Variants in TMEM117 observed in about 807,000 individuals in gnomAD.
TMEM117 encodes transmembrane protein 117.
A neutral mutation model predicts 52.4 loss-of-function variants in TMEM117; 27 were observed. The ratio of observed to expected loss-of-function variants is 0.51; its 90% CI spans 0.38 to 0.71. TMEM117 has a LOEUF of 0.71. Among genes scored for constraint, TMEM117 ranks in the 30% least tolerant of loss-of-function variants. The pLI is 0.00. For missense variants in TMEM117, 556 were observed against 630.5 expected (o/e 0.88, Z 1.26); for synonymous variants, 215 against 206.3 (o/e 1.04, Z -0.36).
chr12:44,245,907 A>G (rs1460509016), intron 5 of TMEM117, among the ~76,000 whole-genome samples: 1 of 152,154 alleles, frequency 6.6e-6, no homozygotes, highest in Non-Finnish European at 1.5e-5. Flanking sequence ...CATTTTATAT[A>G]CAATGTACAT....
At chr12:44,095,873 T>C (rs1030353936) in intron 3 of TMEM117, among the ~76,000 whole-genome samples, 9 of 152,014 alleles carry the variant, frequency 5.9e-5, no homozygotes, top group South Asian at 2.1e-4. Context: ...CCAGGGCAAT[T>C]AGGCAGGAGA....
intron 5 of TMEM117, among the ~76,000 whole-genome samples, chr12:44,290,617 G>A (rs1437450794): frequency 2.6e-5 from 4 of 152,050 alleles, no homozygotes; most frequent in Non-Finnish European, 5.9e-5. Flanking sequence ...GAAATCAGAA[G>A]GTGTGACACC....
chr12:44,311,320 C>G (rs1248090149), intron 6 of TMEM117, among the ~76,000 whole-genome samples: 3 of 151,936 alleles, frequency 2.0e-5, no homozygotes, highest in Non-Finnish European at 4.4e-5. Flanking sequence ...AGAGAAACAG[C>G]AGGAAATCAA....
At chr12:44,076,006 G>GT (rs1202287936) in intron 3 of TMEM117, among the ~76,000 whole-genome samples, 2 of 152,164 alleles carry the variant, frequency 1.3e-5, no homozygotes, top group Non-Finnish European at 1.5e-5. Flanking sequence ...TCCCTATTAG[G>GT]TTTTTGAGGA....
chr12:44,376,351 G>A, intron 6 of TMEM117: 1 of 509,242 alleles, frequency 2.0e-6, no homozygotes, highest in Non-Finnish European at 3.5e-6. Context: ...ATTCTGTATT[G>A]GTTTCTTATT....
intron 3 of TMEM117, among the ~76,000 whole-genome samples, chr12:44,011,729 A>G (rs1946293758): frequency 6.6e-6 from 1 of 152,168 alleles, no homozygotes; most frequent in Admixed American, 6.5e-5. Flanking sequence ...TATTAATAAT[A>G]TTAATGAAAT....
intron 2 of TMEM117, among the ~76,000 whole-genome samples, chr12:43,939,438 C>G (rs1274615071): frequency 2.0e-5 from 3 of 152,118 alleles, no homozygotes; most frequent in Admixed American, 6.5e-5. Context: ...AAATCTTACT[C>G]TGAGTTTTTG....
At chr12:44,007,655 T>C (rs1273125529) in intron 3 of TMEM117, among the ~76,000 whole-genome samples, 4 of 152,162 alleles carry the variant, frequency 2.6e-5, no homozygotes, top group African/African-American at 7.2e-5. Flanking sequence ...AAATCTCATC[T>C]TGAATTGTAA....
intron 3 of TMEM117, among the ~76,000 whole-genome samples, chr12:44,053,948 CTT>C (rs1440008874): frequency 1.3e-5 from 2 of 152,130 alleles, no homozygotes; most frequent in East Asian, 3.9e-4. Context: ...GCAAATACAA[CTT>C]TTAAATTTGG....
intron 3 of TMEM117, among the ~76,000 whole-genome samples, chr12:43,956,693 T>C (rs994297432): frequency 1.3e-5 from 2 of 152,100 alleles, no homozygotes; most frequent in African/African-American, 4.8e-5. Context: ...AGAAACACTT[T>C]TACACTGTTG....
intron 3 of TMEM117, among the ~76,000 whole-genome samples, chr12:44,127,396 G>T (rs972466094): frequency 1.7e-4 from 26 of 152,166 alleles, no homozygotes; most frequent in Admixed American, 9.8e-4. Context: ...ACTAAGTAAG[G>T]CTGGTCACGG....
intron 3 of TMEM117, among the ~76,000 whole-genome samples, chr12:43,985,942 T>C (rs998578312): frequency 2.0e-5 from 3 of 152,238 alleles, no homozygotes; most frequent in African/African-American, 7.2e-5. Flanking sequence ...CATTTTATAA[T>C]TCTGCTATAC....
intron 5 of TMEM117, among the ~76,000 whole-genome samples, chr12:44,294,672 G>A (rs573097369): frequency 4.6e-5 from 7 of 152,112 alleles, no homozygotes; most frequent in Non-Finnish European, 8.8e-5. Context: ...CCATTATTAA[G>A]TAAAAGAAGT....
intron 6 of TMEM117, among the ~76,000 whole-genome samples, chr12:44,311,219 C>T (rs946185805): frequency 2.6e-5 from 4 of 151,644 alleles, no homozygotes; most frequent in Non-Finnish European, 2.9e-5. Context: ...ATGCTGAAAA[C>T]GATATTTATA....
chr12:44,063,439 T>C (rs1348394722), intron 3 of TMEM117, among the ~76,000 whole-genome samples: 3 of 152,112 alleles, frequency 2.0e-5, no homozygotes, highest in African/African-American at 7.2e-5. Flanking sequence ...TTAAATAGAA[T>C]CCAAATTTGT....
intron 5 of TMEM117, among the ~76,000 whole-genome samples, chr12:44,227,976 G>A (rs1350804591): frequency 7.1e-6 from 1 of 141,758 alleles, no homozygotes; most frequent in Non-Finnish European, 1.6e-5. Flanking sequence ...GATCCAGAAA[G>A]TTTAATTGAC....
intron 4 of TMEM117, among the ~76,000 whole-genome samples, chr12:44,161,035 A>C (rs149768357): frequency 8.5e-5 from 13 of 152,190 alleles, no homozygotes. Context: ...TCAAGGTTAC[A>C]CAGCCACTAA....
chr12:44,262,961 T>C (rs1950337268), intron 5 of TMEM117, among the ~76,000 whole-genome samples: 1 of 152,180 alleles, frequency 6.6e-6, no homozygotes, highest in African/African-American at 2.4e-5. Flanking sequence ...GTAAGAAAAA[T>C]TCTCACAACC....
intron 1 of TMEM117, among the ~76,000 whole-genome samples, chr12:43,841,286 T>C (rs182594078): frequency 1.3e-5 from 2 of 152,294 alleles, no homozygotes; most frequent in East Asian, 3.9e-4. Context: ...AGCTTTGTGG[T>C]ATATTAGAAA....
Sources: allele counts gnomAD v4.1 joint callset (sites outside exome capture counted in the v4.1 genomes callset), GRCh38; gene constraint gnomAD v4.1.1; transcripts MANE v1.5; gene names NCBI Gene and HGNC (gene_info 2026-07-23, HGNC 2026-07-21).